Variants in TLL2 observed in about 807,000 individuals in gnomAD.
TLL2 encodes tolloid like 2.
A neutral mutation model predicts 123.0 loss-of-function variants in TLL2; 106 were observed. The ratio of observed to expected loss-of-function variants is 0.86; its 90% confidence interval spans 0.74 to 1.01. The LOEUF (loss-of-function observed/expected upper bound fraction) is 1.01, where lower values mean the gene tolerates loss of function less well. Ranked by LOEUF, TLL2 falls within the 50% of genes least tolerant of loss-of-function variation. The pLI is 0.00. For missense variants in TLL2, 1,332 were observed against 1,336.7 expected, an observed-to-expected ratio of 1.00 and a Z score of 0.06; for synonymous variants, 494 against 516.8, an observed-to-expected ratio of 0.96 and a Z score of 0.60.
chr10:96,508,036 G>A (rs1314381450), intron 1 of TLL2, among the ~76,000 whole-genome samples: 1 of 152,212 alleles, frequency 6.6e-6, no homozygotes, highest in Admixed American at 6.5e-5. Context: ...TGGTGTGGGA[G>A]TCTGATGGGC....
At chr10:96,476,248 T>TTGTTGTTGTTGTTGTTGTTG (rs1554939657) in intron 2 of TLL2, among the ~76,000 whole-genome samples, 3 of 69,242 alleles carry the variant, frequency 4.3e-5, no homozygotes, top group African/African-American at 1.9e-4. Flanking sequence ...ATATTTTATT[T>TTGTTGTTGTTGTTGTTGTTG]TTGTTGTTGT....
In TLL2 at chr10:96,366,036, A is replaced by C. The variant is rs1205761049; in HGVS notation, c.*2052T>G. The C allele has an allele frequency of 6.6e-6, 1 of 152,246 alleles. No homozygotes were observed. The highest frequency in any genetic ancestry group is 1.5e-5 in the Non-Finnish European group (1 of 68,046). The allele number at this position is 152,246 out of a possible 1,614,324, so 9.4% of individuals were successfully genotyped here. On this transcript the variant is annotated 3_prime_UTR_variant, in exon 21 of 21. Transcript: ENST00000357947. ...CTTGCTTAGACTTCTAAAGGTTAAA[A>C]CTGCAGAATTTTTATTTCCTTGGAG...
chr10:96,498,998 C>T (rs1408725587), intron 1 of TLL2, among the ~76,000 whole-genome samples: 1 of 152,242 alleles, frequency 6.6e-6, no homozygotes, highest in Non-Finnish European at 1.5e-5. Context: ...CTCTTGGCTC[C>T]AAATCTATCC....
Position 96,513,623 on chromosome 10 carries a change from G to A in TLL2, c.63C>T (p.Arg21=), listed in dbSNP as rs759817769. 3.1e-6 allele frequency: 5 copies of A among 1,600,102 alleles called. No homozygotes were observed. The highest frequency in any genetic ancestry group is 1.1e-5 in the South Asian group (1 of 90,824). The change falls in exon 1 of 21, where the codon CGC becomes CGT. Residue 21 remains arginine (R), a synonymous_variant. Transcript: ENST00000357947. The part of the protein sequence containing the change: ...VSLLLLLPLP[R]GAGGLGERPD... ...GGCGCTCCCCGAGTCCCCCGGCGCC[G>A]CGAGGCAGCGGCAGCAGCAGCAGCA...
chr10:96,456,859 C>G (rs1439067316), intron 2 of TLL2, among the ~76,000 whole-genome samples: 1 of 152,328 alleles, frequency 6.6e-6, no homozygotes, highest in South Asian at 2.1e-4. Flanking sequence ...TGAAGGAACT[C>G]GTACTCCCAG....
chr10:96,402,246 G>A (rs149844684), intron 10 of TLL2, among the ~76,000 whole-genome samples: 14 of 152,306 alleles, frequency 9.2e-5, no homozygotes, highest in Non-Finnish European at 1.6e-4. Context: ...CCACCTCCGC[G>A]CTTCCTTCCT....
Position 96,389,477 on chromosome 10 carries a change from G to T in TLL2, c.1727-2399C>A, listed in dbSNP as rs985092724. On this transcript the variant is annotated intron_variant, in intron 13 of 20. Coordinates refer to ENST00000357947, the MANE Select transcript of TLL2 (RefSeq NM_012465.4). ...GGCCTGAGGAGGGAAGGGAGACAAG[G>T]CAAGAACAGAAAGAAGGAAAATGCT... Among the ~76,000 whole-genome samples, 6 of 152,196 alleles carry T rather than the reference G, an allele frequency of 3.9e-5. No homozygotes were observed. The East Asian group carries it at 1.2e-3, about 29-fold the overall frequency.
At chr10:96,387,136 C>A (rs1846243962) in intron 13 of TLL2, 58 bp from the exon 14 acceptor site, 1 of 1,590,186 alleles carries the variant, frequency 6.3e-7, no homozygotes, top group African/African-American at 1.3e-5. Flanking sequence ...TGGCTGTTCC[C>A]AACCCTTGCA....
At chr10:96,398,596 C>T (rs1026821370) in intron 10 of TLL2, among the ~76,000 whole-genome samples, 1 of 152,182 alleles carries the variant, frequency 6.6e-6, no homozygotes, top group African/African-American at 2.4e-5. Context: ...TCCACAGAGG[C>T]CTGGTCTTCC....
At chr10:96,369,587 C>A (rs1846059142) in intron 20 of TLL2, among the ~76,000 whole-genome samples, 1 of 151,724 alleles carries the variant, frequency 6.6e-6, no homozygotes, top group Non-Finnish European at 1.5e-5. Context: ...ATGGTGAAAC[C>A]CCGTCTCTAC....
At chr10:96,482,948 C>A (rs555142489) in intron 1 of TLL2, among the ~76,000 whole-genome samples, 1 of 152,268 alleles carries the variant, frequency 6.6e-6, no homozygotes, top group South Asian at 2.1e-4. Context: ...GTGTTTCTCT[C>A]GCAGAAGCTT....
intron 10 of TLL2, 138 bp downstream of exon 10, chr10:96,405,094 G>C: frequency 1.4e-6 from 1 of 731,854 alleles, no homozygotes; most frequent in African/African-American, 1.8e-5. Flanking sequence ...TGGCCAAATG[G>C]AGTGCTCAGA....
intron 18 of TLL2, among the ~76,000 whole-genome samples, chr10:96,376,331 C>T (rs140878089): frequency 7.6e-4 from 116 of 152,310 alleles, no homozygotes; most frequent in African/African-American, 2.5e-3. Flanking sequence ...TTTCCAACCT[C>T]CTGTACTGAT....
At chr10:96,499,046 G>A (rs12569438) in intron 1 of TLL2, among the ~76,000 whole-genome samples, 23,694 of 152,204 alleles carry the variant, frequency 0.16, 2,196 homozygotes, top group East Asian at 0.4. Flanking sequence ...ACTGGACCCT[G>A]TAAACATTGC....
intron 9 of TLL2, among the ~76,000 whole-genome samples, chr10:96,407,761 C>T (rs186724319): frequency 1.5e-4 from 23 of 152,304 alleles, no homozygotes; most frequent in South Asian, 2.1e-4. Context: ...TCCTAGGAAA[C>T]GAAGTCAGTG....
chr10:96,471,955 G>C (rs1054215678), intron 2 of TLL2, among the ~76,000 whole-genome samples: 2 of 152,178 alleles, frequency 1.3e-5, no homozygotes, highest in Admixed American at 1.3e-4. Flanking sequence ...ATGTTCGTCA[G>C]ATTCTCAAAG....
At chr10:96,429,297 A>C (rs1846711948) in intron 4 of TLL2, among the ~76,000 whole-genome samples, 1 of 152,002 alleles carries the variant, frequency 6.6e-6, no homozygotes, top group South Asian at 2.1e-4. Flanking sequence ...TCGAGACATA[A>C]TATATCAAAT....
chr10:96,389,455 C>T (rs1846264598), intron 13 of TLL2, among the ~76,000 whole-genome samples: 1 of 152,058 alleles, frequency 6.6e-6, no homozygotes, highest in Admixed American at 6.6e-5. Context: ...CAGTGCAGGC[C>T]TGAGGAGGGA....
intron 5 of TLL2, among the ~76,000 whole-genome samples, chr10:96,425,464 G>T (rs369526850): frequency 9.9e-5 from 15 of 151,470 alleles, no homozygotes; most frequent in East Asian, 9.7e-4. Context: ...TCTTTACTAT[G>T]TTGAGTATCC....
Sources: allele counts gnomAD v4.1 joint callset (sites outside exome capture counted in the v4.1 genomes callset), GRCh38; gene constraint gnomAD v4.1.1; transcripts MANE v1.5; gene names NCBI Gene and HGNC (gene_info 2026-07-23, HGNC 2026-07-21).